HECW1: variants seen among roughly 807,000 people sequenced by gnomAD.
HECW1 encodes the protein HECT, C2 and WW domain containing E3 ubiquitin protein ligase 1.
A neutral mutation model predicts 182.3 loss-of-function variants in HECW1; 61 were observed. The ratio of observed to expected loss-of-function variants is 0.33; its 90% confidence interval spans 0.27 to 0.41. The LOEUF is 0.41. Among genes scored for constraint, HECW1 ranks in the 10% least tolerant of loss-of-function variants. The pLI is 1.00. For synonymous variants in HECW1, 859 were observed against 832.6 expected, an observed-to-expected ratio of 1.03 and a Z score of -0.55; for missense variants, 1,739 against 2,108.9, an observed-to-expected ratio of 0.82 and a Z score of 3.44.
chr7:43,409,644 A>C (rs1435407982), intron 8 of HECW1, among the ~76,000 whole-genome samples: 1 of 152,154 alleles, frequency 6.6e-6, no homozygotes, highest in Non-Finnish European at 1.5e-5. Context: ...CCTCCCTTCC[A>C]TCCCACGTGC....
At chr7:43,427,821 C>T (rs2076409691) in intron 8 of HECW1, among the ~76,000 whole-genome samples, 1 of 152,150 alleles carries the variant, frequency 6.6e-6, no homozygotes, top group Non-Finnish European at 1.5e-5. Context: ...TGACCCTCTC[C>T]ATCATCAAAG....
At chr7:43,447,530 G>A (rs2077096175) in intron 11 of HECW1, among the ~76,000 whole-genome samples, 2 of 152,136 alleles carry the variant, frequency 1.3e-5, no homozygotes, top group African/African-American at 4.8e-5. Flanking sequence ...GCGATCACAA[G>A]GGGAAATAAA....
chr7:43,516,906 C>A (rs1165943104), intron 24 of HECW1, among the ~76,000 whole-genome samples: 1 of 152,126 alleles, frequency 6.6e-6, no homozygotes, highest in Non-Finnish European at 1.5e-5. Context: ...ATTTGTGTAT[C>A]TCAACATAGC....
intron 2 of HECW1, among the ~76,000 whole-genome samples, chr7:43,225,261 A>AT (rs1377282803): frequency 6.6e-6 from 1 of 152,220 alleles, no homozygotes; most frequent in Non-Finnish European, 1.5e-5. Context: ...GGCTGGCGAT[A>AT]GCAAGTACTG....
rs1371602064 is a variant in HECW1, at chr7:43,562,633, G to GAT, written c.*708_*709dup. On this transcript the variant is annotated 3_prime_UTR_variant, in exon 30 of 30. Transcript: ENST00000395891. ...TGCAATGCATCCCAATGGTTGTGGG[G>GAT]ATTGTGGGCTCAACTCAAGAGAAGT... is the stretch of plus-strand genomic sequence containing the variant. 4.4e-6 allele frequency: 1 copy of GAT among 227,162 alleles called. No individual in the cohort carries two copies. Among genetic ancestry groups the GAT allele is most frequent in the East Asian group, 6.3e-5 (1 of 15,830 alleles). The allele number at this position is 227,162 out of a possible 1,614,324, so 14.1% of individuals were successfully genotyped here.
intron 26 of HECW1, among the ~76,000 whole-genome samples, chr7:43,546,115 G>A (rs1337776521): frequency 6.6e-6 from 1 of 151,332 alleles, no homozygotes; most frequent in African/African-American, 2.4e-5. Context: ...TGGTTCAGAA[G>A]CATTCATCTC....
At chr7:43,368,896 A>G (rs1413503263) in intron 6 of HECW1, among the ~76,000 whole-genome samples, 1 of 152,142 alleles carries the variant, frequency 6.6e-6, no homozygotes, top group African/African-American at 2.4e-5. Flanking sequence ...TTCAAGTTGC[A>G]TTTTCTGTAG....
At chr7:43,450,002 T>TTAATAATCTG (rs1416480579) in intron 11 of HECW1, among the ~76,000 whole-genome samples, 3 of 152,236 alleles carry the variant, frequency 2.0e-5, no homozygotes, top group Non-Finnish European at 4.4e-5. Context: ...AGGTTTTCTT[T>TTAATAATCTG]TAATAATCTG....
intron 16 of HECW1, 67 bp downstream of exon 16, chr7:43,469,172 G>A (rs2152899402): frequency 6.6e-7 from 1 of 1,505,306 alleles, no homozygotes; most frequent in Non-Finnish European, 9.2e-7. Context: ...GCTAGCAAGG[G>A]CGTGAGGAGG....
At chr7:43,283,208 G>T (rs528176950) in intron 3 of HECW1, among the ~76,000 whole-genome samples, 1 of 152,036 alleles carries the variant, frequency 6.6e-6, no homozygotes, top group South Asian at 2.1e-4. Context: ...AGTAAGGTCT[G>T]TAAGGTCAAA....
intron 11 of HECW1, 130 bp downstream of exon 11, chr7:43,445,700 T>TTGTATACACATGCACACA: frequency 7.2e-6 from 8 of 1,112,880 alleles, no homozygotes; most frequent in Non-Finnish European, 1.0e-5. Flanking sequence ...TATGCCTGTC[T>TTGTATACACATGCACACA]TGTATATACA....
At chr7:43,158,897 C>T (rs571850914) in intron 2 of HECW1, among the ~76,000 whole-genome samples, 1 of 152,350 alleles carries the variant, frequency 6.6e-6, no homozygotes, top group South Asian at 2.1e-4. Context: ...GGTTCTCAAA[C>T]TATACTGTGC....
intron 3 of HECW1, among the ~76,000 whole-genome samples, chr7:43,286,713 A>T (rs1396451727): frequency 6.6e-6 from 1 of 151,998 alleles, no homozygotes; most frequent in Non-Finnish European, 1.5e-5. Flanking sequence ...GATATCACCA[A>T]CCAAGGCCTC....
At chr7:43,223,764 C>T (rs1797191315) in intron 2 of HECW1, among the ~76,000 whole-genome samples, 1 of 152,160 alleles carries the variant, frequency 6.6e-6, no homozygotes, top group African/African-American at 2.4e-5. Flanking sequence ...CTCACTCTGC[C>T]TCTCTGCCCT....
intron 2 of HECW1, among the ~76,000 whole-genome samples, chr7:43,116,543 C>T (rs980006593): frequency 2.0e-5 from 3 of 152,168 alleles, no homozygotes; most frequent in African/African-American, 7.2e-5. Context: ...CTTCCTGGGC[C>T]AGCCAAGCTT....
Position 43,159,513 on chromosome 7 carries a change from A to G in HECW1, c.-32+45122A>G, listed in dbSNP as rs142530708. Among the ~76,000 whole-genome samples the G allele has an allele frequency of 2.6e-4, 39 of 152,242 alleles. No homozygotes were observed. The East Asian group carries it at 5.6e-3, about 22-fold the overall frequency. On this transcript the variant is annotated intron_variant, in intron 2 of 29. Coordinates refer to ENST00000395891, the MANE Select transcript of HECW1 (RefSeq NM_015052.5). ...ATTAGTTTCCTTAAAAAAAATTTCT[A>G]AAAAGTAGAACTTGGGCACAGGTAT...
chr7:43,547,777 C>A (rs1382784920), intron 26 of HECW1, among the ~76,000 whole-genome samples: 1 of 152,214 alleles, frequency 6.6e-6, no homozygotes, highest in African/African-American at 2.4e-5. Flanking sequence ...CTTGTAATAT[C>A]ATGATTTTTC....
At chr7:43,372,286 G>A (rs1236973983) in intron 6 of HECW1, among the ~76,000 whole-genome samples, 7 of 152,164 alleles carry the variant, frequency 4.6e-5, no homozygotes, top group Non-Finnish European at 7.4e-5. Flanking sequence ...GGTGGGGTGT[G>A]CAGGATTTCA....
chr7:43,416,271 T>C (rs930026809), intron 8 of HECW1, among the ~76,000 whole-genome samples: 1 of 150,946 alleles, frequency 6.6e-6, no homozygotes, highest in Non-Finnish European at 1.5e-5. Context: ...GCTGCAGGTC[T>C]GTTGGAGTAC....
Sources: allele counts gnomAD v4.1 joint callset (sites outside exome capture counted in the v4.1 genomes callset), GRCh38; gene constraint gnomAD v4.1.1; transcripts MANE v1.5; gene names NCBI Gene and HGNC (gene_info 2026-07-23, HGNC 2026-07-21).